Variants in PRDM16 observed in about 807,000 individuals in gnomAD.
The protein encoded by PRDM16 is PR/SET domain 16.
PRDM16 carries 23 observed loss-of-function variants against 110.6 expected under a neutral mutation model. That is an observed-to-expected ratio of 0.21 (90% CI 0.15 to 0.29). PRDM16 has a LOEUF of 0.29. Among genes scored for constraint, PRDM16 ranks in the 10% least tolerant of loss-of-function variants. PRDM16 has a pLI of 1.00. For missense variants in PRDM16, 1,615 were observed against 1,794.3 expected (o/e 0.90, Z 1.81); for synonymous variants, 799 against 781.8 (o/e 1.02, Z -0.37).
chr1:3,109,771 T>A (rs1024958471), intron 1 of PRDM16, among the ~76,000 whole-genome samples: 9 of 152,212 alleles, frequency 5.9e-5, no homozygotes, highest in Admixed American at 3.9e-4. Flanking sequence ...AAAGCCAAAT[T>A]TCCCCCCAAA....
chr1:3,268,259 C>T (rs911534288), intron 3 of PRDM16, among the ~76,000 whole-genome samples: 8 of 152,116 alleles, frequency 5.3e-5, no homozygotes, highest in Admixed American at 3.9e-4. Context: ...CGCTAATCCA[C>T]GGGGGAAGGA....
At chr1:3,338,765 G>A (rs1253918006) in intron 3 of PRDM16, among the ~76,000 whole-genome samples, 1 of 152,228 alleles carries the variant, frequency 6.6e-6, no homozygotes, top group Admixed American at 6.5e-5. Context: ...GAAAGTGTCT[G>A]AGCACAGGCC....
chr1:3,328,747 A>G (rs1641976379), intron 3 of PRDM16, among the ~76,000 whole-genome samples: 1 of 152,190 alleles, frequency 6.6e-6, no homozygotes, highest in Admixed American at 6.5e-5. Flanking sequence ...ACTCTGGCAC[A>G]TGGAGCAGCT....
At chr1:3,150,929 G>A (rs1192574425) in intron 1 of PRDM16, among the ~76,000 whole-genome samples, 7 of 82,736 alleles carry the variant, frequency 8.5e-5, no homozygotes, top group African/African-American at 3.5e-4. Context: ...CTATGGAAAC[G>A]GGGGGGCTGG....
At chr1:3,147,977 A>G (rs1398639617) in intron 1 of PRDM16, among the ~76,000 whole-genome samples, 2 of 151,930 alleles carry the variant, frequency 1.3e-5, no homozygotes, top group East Asian at 3.9e-4. Context: ...CTCAAACCCC[A>G]TTCTCTGAAC....
At chr1:3,279,306 T>C (rs1219272700) in intron 3 of PRDM16, among the ~76,000 whole-genome samples, 1 of 152,198 alleles carries the variant, frequency 6.6e-6, no homozygotes, top group African/African-American at 2.4e-5. Flanking sequence ...AGGCCGCCTC[T>C]GCAGCGGGGC....
chr1:3,181,524 A>ACGC (rs1557509477), intron 1 of PRDM16, among the ~76,000 whole-genome samples: 2 of 16,918 alleles, frequency 1.2e-4, no homozygotes, highest in Non-Finnish European at 2.0e-4. Context: ...AGTCTTACAC[A>ACGC]AGCGGTCTTA....
intron 5 of PRDM16, 83 bp downstream of exon 5, chr1:3,396,676 G>T: frequency 1.6e-6 from 1 of 635,380 alleles, no homozygotes; most frequent in Non-Finnish European, 2.7e-6. Context: ...TGGGAGGACC[G>T]AGGGCCTCTC....
At chr1:3,225,569 T>TGCGCGC (rs1431851886) in intron 2 of PRDM16, among the ~76,000 whole-genome samples, 11 of 121,742 alleles carry the variant, frequency 9.0e-5, no homozygotes, top group Admixed American at 3.3e-4. Flanking sequence ...TGTGTGTGTG[T>TGCGCGC]GTGTGCGCGC....
chr1:3,353,985 G>A lies in PRDM16; in HGVS notation c.439-31167G>A, dbSNP rs1386769496. 6.6e-6 allele frequency among the ~76,000 whole-genome samples: 1 copy of A among 152,178 alleles called. No individual in the cohort carries two copies. Among genetic ancestry groups the A allele is most frequent in the Non-Finnish European group, 1.5e-5 (1 of 68,034 alleles). On this transcript the variant is annotated intron_variant, in intron 3 of 16. Coordinates refer to ENST00000270722, the MANE Select transcript of PRDM16 (RefSeq NM_022114.4). The surrounding 1 kb of genome is among the most constrained non-coding windows in gnomAD (Gnocchi z 5.4). ...CAGGCCCAAGAGAAAAGGGAAGTGT[G>A]GCCAACTCTGGACTCCCAGTAGCTT...
intron 2 of PRDM16, among the ~76,000 whole-genome samples, chr1:3,200,010 A>C (rs567327202): frequency 6.6e-6 from 1 of 152,310 alleles, no homozygotes; most frequent in South Asian, 2.1e-4. Flanking sequence ...TGGGGAAGGG[A>C]CCTCACTTCC....
intron 3 of PRDM16, among the ~76,000 whole-genome samples, chr1:3,276,521 G>T (rs758585970): frequency 6.6e-6 from 1 of 152,226 alleles, no homozygotes; most frequent in Non-Finnish European, 1.5e-5. Flanking sequence ...ACCCGGACCC[G>T]CCCGCAGGAA....
intron 1 of PRDM16, among the ~76,000 whole-genome samples, chr1:3,070,961 C>A (rs1043721121): frequency 6.6e-6 from 1 of 152,246 alleles, no homozygotes; most frequent in Non-Finnish European, 1.5e-5. Context: ...CAAGACCGGG[C>A]GTTTCGCCGC....
chr1:3,240,920 T>G (rs1344245136), intron 2 of PRDM16, among the ~76,000 whole-genome samples: 1 of 152,238 alleles, frequency 6.6e-6, no homozygotes, highest in Non-Finnish European at 1.5e-5. Context: ...CTAAAACGCT[T>G]AATCAAACAC....
chr1:3,084,993 C>T (rs1642117678), intron 1 of PRDM16, among the ~76,000 whole-genome samples: 1 of 152,162 alleles, frequency 6.6e-6, no homozygotes, highest in Admixed American at 6.5e-5. Flanking sequence ...GGGTTTGTTT[C>T]CAGCAGCTGG....
intron 1 of PRDM16, among the ~76,000 whole-genome samples, chr1:3,126,037 T>G (rs570121357): frequency 6.6e-6 from 1 of 152,358 alleles, no homozygotes; most frequent in South Asian, 2.1e-4. Flanking sequence ...TATCTGATTA[T>G]GCATTGATCG....
At chr1:3,384,399 G>T (rs1643160563) in intron 3 of PRDM16, among the ~76,000 whole-genome samples, 1 of 152,164 alleles carries the variant, frequency 6.6e-6, no homozygotes, top group African/African-American at 2.4e-5. Context: ...GCCACCCATG[G>T]TCAGGCTGTT....
At chr1:3,365,838 G>A (rs142214021) in intron 3 of PRDM16, among the ~76,000 whole-genome samples, 28 of 152,338 alleles carry the variant, frequency 1.8e-4, no homozygotes, top group Admixed American at 9.8e-4. Flanking sequence ...CCCTTTGTGG[G>A]GCTGCAGGGA....
intron 1 of PRDM16, among the ~76,000 whole-genome samples, chr1:3,178,237 C>A (rs1644111516): frequency 6.6e-6 from 1 of 152,176 alleles, no homozygotes. Context: ...GTTGCAGGGG[C>A]AGCTTTAGAC....
Sources: allele counts gnomAD v4.1 joint callset (sites outside exome capture counted in the v4.1 genomes callset), GRCh38; gene constraint gnomAD v4.1.1; non-coding constraint Gnocchi (gnomAD v3.1); transcripts MANE v1.5; gene names NCBI Gene and HGNC (gene_info 2026-07-23, HGNC 2026-07-21).